The following CCNL1 variants were observed in gnomAD, a reference collection of about 807,000 sequenced individuals.
CCNL1 encodes cyclin-L1.
Under a neutral mutation model 60.6 loss-of-function variants are expected in CCNL1, and 13 were observed. That is an observed-to-expected ratio of 0.21 (90% CI 0.14 to 0.34). The LOEUF (loss-of-function observed/expected upper bound fraction) is 0.34. CCNL1 is among the 10% of genes least tolerant of loss of function. The probability of loss-of-function intolerance (pLI) is 1.00; values close to 1 mark genes in which losing one functional copy is unlikely to be tolerated. For missense variants in CCNL1, 481 were observed against 664.3 expected, an observed-to-expected ratio of 0.72 and a Z score of 3.03; for synonymous variants, 270 against 244.3, an observed-to-expected ratio of 1.10 and a Z score of -0.98.
intron 3 of CCNL1, chr3:157,153,474 G>A (rs906705669): frequency 3.2e-5 from 6 of 190,122 alleles, no homozygotes; most frequent in East Asian, 1.5e-4. Context: ...TAACTTTAAC[G>A]ATAGCATGAT....
chr3:157,151,519 C>G (rs1365332842), intron 5 of CCNL1: 63 of 985,758 alleles, frequency 6.4e-5, no homozygotes, highest in South Asian at 1.4e-4. Flanking sequence ...ATAAATTAAG[C>G]CAGTGTGGGA....
downstream of CCNL1, chr3:157,146,558 T>TC (rs1737787262): frequency 2.2e-6 from 1 of 446,636 alleles, no homozygotes; most frequent in Admixed American, 2.4e-5. Flanking sequence ...GAGGATCACT[T>TC]GAGGCCAGGA....
chr3:157,149,608 TATA>T lies in CCNL1; in HGVS notation c.1022-15_1022-13del, dbSNP rs769530769. On this transcript the variant is annotated splice_polypyrimidine_tract_variant and intron_variant, in intron 8 of 10. Coordinates refer to ENST00000295926, the MANE Select transcript of CCNL1 (RefSeq NM_020307.4). Reference sequence around the variant, plus strand: ...TTCTCTTGGTGATGCTTTTAAAAGATATAATAACAACATGTTAACTACTGGATT... The same window carrying T: ...TTCTCTTGGTGATGCTTTTAAAAGATATAACAACATGTTAACTACTGGATT... 8 of 1,605,614 alleles carry T rather than the reference TATA, an allele frequency of 5.0e-6. No individual in the cohort carries two copies.
Position 157,149,601 on chromosome 3 carries a change from T to C in CCNL1, c.1022-5A>G. 8.7e-6 allele frequency: 14 copies of C among 1,608,654 alleles called. No individual in the cohort carries two copies. Among genetic ancestry groups the C allele is most frequent in the Non-Finnish European group, 1.2e-5 (14 of 1,176,658 alleles). On this transcript the variant is annotated splice_polypyrimidine_tract_variant and splice_region_variant and intron_variant, in intron 8 of 10. Coordinates refer to ENST00000295926, the MANE Select transcript of CCNL1 (RefSeq NM_020307.4). ...CTTTTACTTCTCTTGGTGATGCTTT[T>C]AAAAGATATAATAACAACATGTTAA... is the stretch of plus-strand genomic sequence containing the variant.
Position 157,160,034 on chromosome 3 carries a change from T to C in CCNL1, c.61A>G (p.Ser21Gly). The C allele has an allele frequency of 6.4e-7, 1 of 1,567,342 alleles. No individual in the cohort carries two copies. Among genetic ancestry groups the C allele is most frequent in the Non-Finnish European group, 8.6e-7 (1 of 1,156,264 alleles). The change falls in exon 1 of 11, where the codon AGC becomes GGC. Residue 21 changes from serine to glycine, a missense_variant. By Grantham distance (56) the Ser-to-Gly change is moderately conservative (BLOSUM62 0). This residue lies in a region of CCNL1 where 65 missense variants were observed against 57.5 expected (regional missense o/e 1.13). Transcript: ENST00000295926. ...GTCCCGGAGCTGGAGCCGCCCGCGCTTGGGGCGGCCGATGAGGCGGCTGCG... is the reference window on the plus strand; with the variant it reads ...GTCCCGGAGCTGGAGCCGCCCGCGCCTGGGGCGGCCGATGAGGCGGCTGCG... The part of the protein sequence containing the change: ...AAAAASSAAP[S>G]AGGSSSGTTT...
downstream of CCNL1, among the ~76,000 whole-genome samples, chr3:157,147,107 G>A (rs1737810324): frequency 6.6e-6 from 1 of 152,148 alleles, no homozygotes; most frequent in Admixed American, 6.5e-5. Context: ...CTTTGTGGGT[G>A]TATTTTATTT....
Position 157,158,859 on chromosome 3 carries a change from AT to A in CCNL1, c.488+6del. ...AGAGATACTATGTTCAATAATGCCA[AT>A]CTTACCTTTTTCCTCTTAACTGGCG... is the stretch of plus-strand genomic sequence containing the variant. On this transcript the variant is annotated splice_donor_region_variant and intron_variant, in intron 3 of 10. Coordinates refer to ENST00000295926, the MANE Select transcript of CCNL1 (RefSeq NM_020307.4). The A allele has an allele frequency of 6.4e-7, 1 of 1,566,364 alleles. No homozygotes were observed. The highest frequency in any genetic ancestry group is 1.1e-5 in the South Asian group (1 of 90,008).
downstream of CCNL1, chr3:157,146,638 A>G: frequency 2.5e-6 from 1 of 401,390 alleles, no homozygotes. Context: ...GTTAAAAAAA[A>G]AAATCAACAT....
rs752191984 is a variant in CCNL1 at position 157,148,314 on chromosome 3, C to T, written c.1508G>A (p.Arg503His). 3.1e-6 allele frequency: 5 copies of T among 1,614,186 alleles called. No homozygotes were observed. The highest frequency in any genetic ancestry group is 3.3e-5 in the Admixed American group (2 of 60,026). ...GHHRDRRERSRSFERSHKSKH... is the reference protein window; with the variant it reads ...GHHRDRRERSHSFERSHKSKH... Reference sequence around the variant, plus strand: ...GCTTTTATGGGACCTCTCAAAGGAGCGAGATCGTTCACGCCTGTCCCTATG... The same window carrying T: ...GCTTTTATGGGACCTCTCAAAGGAGTGAGATCGTTCACGCCTGTCCCTATG... The change falls in exon 11 of 11, where the codon CGC (arginine) becomes CAC (histidine). Residue 503 changes from arginine to histidine, a missense_variant. This residue lies in a region of CCNL1 where 197 missense variants were observed against 233.9 expected (regional missense o/e 0.84). Coordinates refer to ENST00000295926, the MANE Select transcript of CCNL1 (RefSeq NM_020307.4).
intron 5 of CCNL1, chr3:157,151,320 CAGT>C: frequency 1.0e-6 from 1 of 985,752 alleles, no homozygotes; most frequent in Non-Finnish European, 1.2e-6. Context: ...TCTTAGGAAA[CAGT>C]AGTTGTGGCT....
intron 4 of CCNL1, chr3:157,152,679 C>T: frequency 9.0e-7 from 1 of 1,105,262 alleles, no homozygotes; most frequent in Non-Finnish European, 1.1e-6. Context: ...TTAGAACATT[C>T]TACTATGATG....
intron 3 of CCNL1, 173 bp downstream of exon 3, chr3:157,158,693 C>T: frequency 3.9e-6 from 2 of 508,734 alleles, no homozygotes; most frequent in Non-Finnish European, 7.0e-6. Context: ...AATTATGTTT[C>T]TTTTTTCAAA....
Position 157,159,886 on chromosome 3 carries a change from A to T in CCNL1, c.209T>A (p.Met70Lys). The T allele has an allele frequency of 6.2e-7, 1 of 1,602,442 alleles. No individual in the cohort carries two copies. The part of the protein sequence containing the change: ...PEERLSPTPS[M>K]QDGLDLPSET... ...ACTGGGCAGGTCGAGCCCATCCTGC[A>T]TGGATGGGGTGGGCGAGAGCCTCTC... is the stretch of plus-strand genomic sequence containing the variant. Residue 70 changes from methionine to lysine, a missense_variant, in exon 1 of 11, where the codon ATG becomes AAG. By Grantham distance (95) the Met-to-Lys change is moderately conservative. Around this residue, in one of 5 missense-constraint regions of CCNL1, gnomAD observed 130 missense variants for 174.5 expected, o/e 0.75. Coordinates refer to ENST00000295926, the MANE Select transcript of CCNL1 (RefSeq NM_020307.4).
At chr3:157,150,717 T>C (rs568856666) in intron 5 of CCNL1, 1 of 1,033,628 alleles carries the variant, frequency 9.7e-7, no homozygotes, top group Non-Finnish European at 1.2e-6. Flanking sequence ...GTTTCAGAAA[T>C]GATAAACCAC....
At chr3:157,148,721 C>T (rs1325106681) in intron 10 of CCNL1, 132 bp from the exon 11 acceptor site, 4 of 711,480 alleles carry the variant, frequency 5.6e-6, no homozygotes, top group Non-Finnish European at 9.1e-6. Flanking sequence ...TCAAAATCTC[C>T]CCACCCCTCA....
At chr3:157,148,702 C>T (rs939268186) in intron 10 of CCNL1, 113 bp from the exon 11 acceptor site, 6 of 903,226 alleles carry the variant, frequency 6.6e-6, no homozygotes, top group Non-Finnish European at 9.8e-6. Context: ...AATGACAAAC[C>T]AGAACTTTTC....
rs750277991 is a variant in CCNL1 at position 157,160,040 on chromosome 3, C to T, written c.55G>A (p.Ala19Thr). The change falls in exon 1 of 11, where the codon GCC becomes ACC. Residue 19 changes from alanine to threonine, a missense_variant. Ala to Thr is a moderately conservative substitution (Grantham distance 58). Coordinates refer to ENST00000295926, the MANE Select transcript of CCNL1 (RefSeq NM_020307.4). ...GAGCTGGAGCCGCCCGCGCTTGGGG[C>T]GGCCGATGAGGCGGCTGCGGCAGCA... Reference protein sequence around the residue: ...ATAAAAASSAAPSAGGSSSGT... With the variant: ...ATAAAAASSATPSAGGSSSGT... 1 of 1,565,804 alleles carries T rather than the reference C, an allele frequency of 6.4e-7. No individual in the cohort carries two copies. Among genetic ancestry groups the T allele is most frequent in the Non-Finnish European group, 8.7e-7 (1 of 1,155,426 alleles).
At chr3:157,146,630 TAA>T (rs78787088), downstream of CCNL1, 118 of 342,332 alleles carry the variant, frequency 3.4e-4, no homozygotes, top group East Asian at 1.0e-3. Context: ...AAAAAAAAGT[TAA>T]AAAAAAAAAT....
In CCNL1 at chr3:157,149,472, C is replaced by T. The variant is rs1265976875; in HGVS notation, c.1133+13G>A. 1.9e-6 allele frequency: 3 copies of T among 1,611,940 alleles called. No individual in the cohort carries two copies. Among genetic ancestry groups the T allele is most frequent in the Admixed American group, 1.7e-5 (1 of 59,972 alleles). On this transcript the variant is annotated intron_variant, in intron 9 of 10. Transcript: ENST00000295926. ...GATTCCTCAAGCCAGTTTTCCAGCCCAAGTATACTCACCCATTGTAAGGGC... is the reference window on the plus strand; with the variant it reads ...GATTCCTCAAGCCAGTTTTCCAGCCTAAGTATACTCACCCATTGTAAGGGC...
Sources: allele counts gnomAD v4.1 joint callset (sites outside exome capture counted in the v4.1 genomes callset), GRCh38; gene constraint gnomAD v4.1.1; regional missense constraint gnomAD v4.1.1; transcripts MANE v1.5; gene names NCBI Gene and HGNC (gene_info 2026-07-23, HGNC 2026-07-21).